LRRC7: variants seen among roughly 807,000 people sequenced by gnomAD.
LRRC7 encodes the protein leucine-rich repeat-containing protein 7.
Under a neutral mutation model 175.7 loss-of-function variants are expected in LRRC7, and 23 were observed. The ratio of observed to expected loss-of-function variants is 0.13; its 90% CI spans 0.09 to 0.19. The LOEUF is 0.19. LRRC7 is among the 10% of genes least tolerant of loss of function. The probability of loss-of-function intolerance (pLI) is 1.00; values close to 1 mark genes in which losing one functional copy is unlikely to be tolerated. For synonymous variants in LRRC7, 685 were observed against 680.9 expected (o/e 1.01, Z -0.09); for missense variants, 1,354 against 1,904.7 (o/e 0.71, Z 5.38).
chr1:69,654,238 T>C (rs1656281916), intron 1 of LRRC7, among the ~76,000 whole-genome samples: 1 of 152,014 alleles, frequency 6.6e-6, no homozygotes, highest in East Asian at 1.9e-4. Context: ...CAAGAAACTT[T>C]AGATAAAAAT....
rs536278991 is a variant in LRRC7, at chr1:69,724,114, G to C, written c.101-36077G>C. ...ATCTTCTATGACTGTTTAAAATTGAGCACATTCCTTCATTTTTCATTGCTT... is the reference window on the plus strand; with the variant it reads ...ATCTTCTATGACTGTTTAAAATTGACCACATTCCTTCATTTTTCATTGCTT... On this transcript the variant is annotated intron_variant, in intron 2 of 26. Coordinates refer to ENST00000651989, the MANE Select transcript of LRRC7 (RefSeq NM_001370785.2). Among the ~76,000 whole-genome samples, 5 of 152,234 alleles carry C rather than the reference G, an allele frequency of 3.3e-5. No individual in the cohort carries two copies. The East Asian group carries it at 9.7e-4, about 29-fold the overall frequency.
At chr1:69,664,023 G>T (rs944732131) in intron 1 of LRRC7, among the ~76,000 whole-genome samples, 2 of 152,084 alleles carry the variant, frequency 1.3e-5, no homozygotes, top group African/African-American at 2.4e-5. Context: ...GCCCGGCCTC[G>T]TTTTAATTTT....
intron 8 of LRRC7, among the ~76,000 whole-genome samples, chr1:69,944,888 C>T (rs2101807298): frequency 6.6e-6 from 1 of 151,448 alleles, no homozygotes; most frequent in East Asian, 1.9e-4. Context: ...TTTTTAATTC[C>T]TCATATATTT....
intron 3 of LRRC7, among the ~76,000 whole-genome samples, chr1:69,773,993 G>A (rs940545186): frequency 6.6e-6 from 1 of 152,144 alleles, no homozygotes; most frequent in African/African-American, 2.4e-5. Flanking sequence ...CAGCCTGAGA[G>A]ACAGAGTGAT....
chr1:69,856,212 TAAGAGCAAAC>T (rs1428747474), intron 7 of LRRC7, among the ~76,000 whole-genome samples: 1 of 151,452 alleles, frequency 6.6e-6, no homozygotes, highest in East Asian at 1.9e-4. Context: ...TGCAGTTTCT[TAAGAGCAAAC>T]ACATTCAAAA....
intron 7 of LRRC7, among the ~76,000 whole-genome samples, chr1:69,885,866 C>T (rs575073192): frequency 6.5e-5 from 8 of 123,988 alleles, no homozygotes; most frequent in East Asian, 2.6e-4. Context: ...GCCTTCATTT[C>T]GTTATGTATC....
At chr1:70,030,893 T>C (rs1430599506) in intron 18 of LRRC7, among the ~76,000 whole-genome samples, 3 of 152,212 alleles carry the variant, frequency 2.0e-5, no homozygotes, top group African/African-American at 4.8e-5. Context: ...AGAACAGGGC[T>C]GGCGGAGCCA....
intron 2 of LRRC7, chr1:69,716,344 C>T: frequency 2.5e-6 from 1 of 400,066 alleles, no homozygotes; most frequent in Non-Finnish European, 4.6e-6. Flanking sequence ...TCATGTTAAC[C>T]TATATCACAT....
At chr1:69,783,172 C>T (rs1673967457) in intron 3 of LRRC7, among the ~76,000 whole-genome samples, 1 of 152,180 alleles carries the variant, frequency 6.6e-6, no homozygotes, top group South Asian at 2.1e-4. Context: ...TTCCAATCTT[C>T]CCTACCTCCC....
intron 7 of LRRC7, among the ~76,000 whole-genome samples, chr1:69,889,474 A>G (rs1645765130): frequency 6.6e-6 from 1 of 152,156 alleles, no homozygotes; most frequent in South Asian, 2.1e-4. Context: ...CATTTCAACA[A>G]TGTTCACAGC....
chr1:69,758,238 C>T (rs970842441), intron 2 of LRRC7, among the ~76,000 whole-genome samples: 12 of 151,972 alleles, frequency 7.9e-5, no homozygotes, highest in Admixed American at 5.3e-4. Flanking sequence ...CAAAATCTTG[C>T]GATTCTGGTT....
chr1:69,765,999 G>A (rs1459658654), intron 3 of LRRC7, among the ~76,000 whole-genome samples: 2 of 150,658 alleles, frequency 1.3e-5, no homozygotes, highest in Non-Finnish European at 2.9e-5. Flanking sequence ...ATATTTAACA[G>A]TCATCCTTTC....
intron 1 of LRRC7, among the ~76,000 whole-genome samples, chr1:69,628,760 G>A (rs1652007254): frequency 6.6e-6 from 1 of 152,074 alleles, no homozygotes; most frequent in South Asian, 2.1e-4. Context: ...GTTGGTATTG[G>A]CAAAGAATAG....
At chr1:69,972,767 G>A (rs1570863968) in intron 8 of LRRC7, among the ~76,000 whole-genome samples, 1 of 151,648 alleles carries the variant, frequency 6.6e-6, no homozygotes, top group Non-Finnish European at 1.5e-5. Context: ...CCCACTACTG[G>A]GTATCTACCC....
intron 2 of LRRC7, among the ~76,000 whole-genome samples, chr1:69,714,032 G>T (rs1021545638): frequency 1.3e-5 from 2 of 152,062 alleles, no homozygotes; most frequent in Non-Finnish European, 2.9e-5. Context: ...TGTACAATTT[G>T]CAAAAAGAGT....
intron 1 of LRRC7, among the ~76,000 whole-genome samples, chr1:69,605,510 T>C (rs1390281037): frequency 1.3e-5 from 2 of 152,190 alleles, no homozygotes; most frequent in Admixed American, 6.5e-5. Flanking sequence ...CTGCATGTCA[T>C]AGAGGATGCA....
chr1:69,995,911 A>T (rs556584654), intron 11 of LRRC7, among the ~76,000 whole-genome samples: 28 of 150,482 alleles, frequency 1.9e-4, no homozygotes, highest in Admixed American at 8.6e-4. Flanking sequence ...TCCTTTGGGT[A>T]TATACCCAGT....
At chr1:69,813,149 T>G (rs1400801853) in intron 4 of LRRC7, among the ~76,000 whole-genome samples, 4 of 152,112 alleles carry the variant, frequency 2.6e-5, no homozygotes, top group African/African-American at 9.7e-5. Context: ...CTCCACAACA[T>G]CGATGTTTTC....
At chr1:69,837,237 T>G (rs142289693) in intron 6 of LRRC7, among the ~76,000 whole-genome samples, 59 of 152,096 alleles carry the variant, frequency 3.9e-4, no homozygotes, top group Admixed American at 1.6e-3. Context: ...GATTTTTACA[T>G]GCATAACATT....
Sources: gnomAD v4.1 joint callset for allele counts (sites outside exome capture counted in the v4.1 genomes callset) on GRCh38, gnomAD v4.1.1 for gene constraint, MANE v1.5 for transcripts, NCBI Gene and HGNC (gene_info 2026-07-23, HGNC 2026-07-21) for gene names.